The following SAMD12 variants were observed in gnomAD, a reference collection of about 807,000 sequenced individuals.
SAMD12 encodes the protein sterile alpha motif domain-containing protein 12.
In SAMD12, 9 loss-of-function variants were observed where a neutral mutation model predicts 15.0. The ratio of observed to expected loss-of-function variants is 0.60; its 90% CI spans 0.36 to 1.05. The LOEUF is 1.05. Ranked by LOEUF, SAMD12 falls within the 50% of genes least tolerant of loss-of-function variation. The pLI is 0.01. For synonymous variants in SAMD12, 86 were observed against 90.1 expected (o/e 0.96, Z 0.25); for missense variants, 230 against 234.2 (o/e 0.98, Z 0.12).
intron 2 of SAMD12, among the ~76,000 whole-genome samples, chr8:118,458,322 C>T (rs1344057945): frequency 6.6e-6 from 1 of 152,158 alleles, no homozygotes; most frequent in East Asian, 1.9e-4. Flanking sequence ...CATCTTCTGT[C>T]TTTGCATGCA....
chr8:118,417,373 T>C (rs1031775622), intron 3 of SAMD12, among the ~76,000 whole-genome samples: 12 of 152,234 alleles, frequency 7.9e-5, no homozygotes, highest in African/African-American at 2.9e-4. Context: ...TGTGAGCCAC[T>C]GTGCCCAGAA....
chr8:118,435,715 A>T (rs529729474), intron 3 of SAMD12, among the ~76,000 whole-genome samples: 1 of 152,368 alleles, frequency 6.6e-6, no homozygotes, highest in Admixed American at 6.5e-5. Flanking sequence ...TGTAAAAACA[A>T]ATACAGACAA....
chr8:118,496,319 T>C (rs147460191), intron 2 of SAMD12, among the ~76,000 whole-genome samples: 1 of 152,122 alleles, frequency 6.6e-6, no homozygotes, highest in African/African-American at 2.4e-5. Context: ...GACTTCAAAC[T>C]ATACTACAAG....
intron 4 of SAMD12, among the ~76,000 whole-genome samples, chr8:118,256,775 A>G (rs1184833985): frequency 8.8e-6 from 1 of 113,684 alleles, no homozygotes; most frequent in Non-Finnish European, 1.8e-5. Context: ...ATATCTGCAT[A>G]AGATACACAC....
rs571964503 is a variant in SAMD12, at chr8:118,422,484, G to A, written c.322+17348C>T. 3.9e-5 allele frequency among the ~76,000 whole-genome samples: 6 copies of A among 152,292 alleles called. No individual in the cohort carries two copies. The East Asian group carries it at 1.2e-3, about 29-fold the overall frequency. On this transcript the variant is annotated intron_variant, in intron 3 of 3. Coordinates refer to ENST00000314727, the MANE Select transcript of SAMD12 (RefSeq NM_207506.3). ...AGTCAGCACCTGAAAATGACCAAAA[G>A]TTCACGAAGCTAATACTGAGGCAAG... is the stretch of plus-strand genomic sequence containing the variant.
intron 4 of SAMD12, among the ~76,000 whole-genome samples, chr8:118,220,349 T>C (rs1812056767): frequency 6.6e-6 from 1 of 152,220 alleles, no homozygotes; most frequent in African/African-American, 2.4e-5. Context: ...TCGACATAAA[T>C]AATCTGGCCA....
chr8:118,471,897 G>GA (rs1002106865), intron 2 of SAMD12, among the ~76,000 whole-genome samples: 4 of 151,642 alleles, frequency 2.6e-5, no homozygotes, highest in African/African-American at 7.3e-5. Context: ...GTGGGATATA[G>GA]AAAAAACAAA....
the SAMD12 span, among the ~76,000 whole-genome samples, chr8:118,159,802 A>C: frequency 6.9e-6 from 1 of 144,898 alleles, no homozygotes; most frequent in African/African-American, 2.6e-5. Context: ...TGCAACCTCC[A>C]CCTCCCCTCT....
the SAMD12 span, among the ~76,000 whole-genome samples, chr8:118,150,349 G>A: frequency 6.6e-6 from 1 of 151,852 alleles, no homozygotes; most frequent in Non-Finnish European, 1.5e-5. Flanking sequence ...TCTTCTACAT[G>A]TTATAAATAT....
chr8:118,348,214 C>T lies in SAMD12; in HGVS notation c.433+31346G>A, dbSNP rs549828917. On this transcript the variant is annotated intron_variant, in intron 4 of 4. Coordinates refer to the SAMD12 transcript ENST00000409003. ...ACCTCAGCCTCCCAAGTAGCTGGCA[C>T]TACAGGTATGTGCTACCATGCCTGG... Among the ~76,000 whole-genome samples, 344 of 152,206 alleles carry T rather than the reference C, an allele frequency of 2.3e-3. 1 individual carries two copies. The highest frequency in any genetic ancestry group is 8.0e-3 in the African/African-American group (331 of 41,522).
intron 4 of SAMD12, among the ~76,000 whole-genome samples, chr8:118,279,231 T>C (rs1813549692): frequency 6.6e-6 from 1 of 152,182 alleles, no homozygotes; most frequent in Non-Finnish European, 1.5e-5. Flanking sequence ...TTTGCTAGAA[T>C]AGAAAGCATA....
chr8:118,428,655 T>C (rs1172713370), intron 3 of SAMD12, among the ~76,000 whole-genome samples: 1 of 152,122 alleles, frequency 6.6e-6, no homozygotes, highest in Non-Finnish European at 1.5e-5. Flanking sequence ...CTAAATGAAG[T>C]TCATTTAGTT....
chr8:118,148,655 CT>C, the SAMD12 span, among the ~76,000 whole-genome samples: 1 of 152,180 alleles, frequency 6.6e-6, no homozygotes, highest in South Asian at 2.1e-4. Flanking sequence ...TCTTCTCCCC[CT>C]TAAAAAATCT....
chr8:118,483,645 A>T (rs1824192914), intron 2 of SAMD12, among the ~76,000 whole-genome samples: 1 of 152,210 alleles, frequency 6.6e-6, no homozygotes, highest in African/African-American at 2.4e-5. Flanking sequence ...ATGCCTACTA[A>T]TACTTTTATA....
At chr8:118,228,827 T>C (rs149941942) in intron 4 of SAMD12, among the ~76,000 whole-genome samples, 67 of 152,324 alleles carry the variant, frequency 4.4e-4, no homozygotes, top group African/African-American at 1.5e-3. Context: ...TCGAAAAAGA[T>C]ACTTGCATAT....
intron 1 of SAMD12, among the ~76,000 whole-genome samples, chr8:118,618,061 C>T (rs140973624): frequency 1.8e-3 from 276 of 151,738 alleles, no homozygotes; most frequent in African/African-American, 6.4e-3. Context: ...GCAATGTATG[C>T]CAGTATAATC....
chr8:118,250,088 G>T (rs1812784300), intron 4 of SAMD12, among the ~76,000 whole-genome samples: 1 of 152,124 alleles, frequency 6.6e-6, no homozygotes, highest in Admixed American at 6.5e-5. Flanking sequence ...GGCTCAGCCA[G>T]TCAGGCTAAT....
At chr8:118,180,343 T>G in the SAMD12 span, among the ~76,000 whole-genome samples, 1 of 152,326 alleles carries the variant, frequency 6.6e-6, no homozygotes, top group East Asian at 1.9e-4. Flanking sequence ...GCCAAAGGTT[T>G]GGGATTATAG....
intron 4 of SAMD12, among the ~76,000 whole-genome samples, chr8:118,329,500 G>C (rs1816716025): frequency 6.6e-6 from 1 of 152,150 alleles, no homozygotes; most frequent in African/African-American, 2.4e-5. Context: ...TGGAACATCA[G>C]TGGCATCTTC....
Sources: gnomAD v4.1 joint callset for allele counts (sites outside exome capture counted in the v4.1 genomes callset) on GRCh38, gnomAD v4.1.1 for gene constraint, MANE v1.5 for transcripts, NCBI Gene and HGNC (gene_info 2026-07-23, HGNC 2026-07-21) for gene names.